The following PNKD variants were observed in gnomAD, a reference collection of about 807,000 sequenced individuals.
The protein encoded by PNKD is probable thioesterase PNKD.
A neutral mutation model predicts 45.3 loss-of-function variants in PNKD; 36 were observed. That is an observed-to-expected ratio of 0.80 (90% confidence interval 0.61 to 1.05). The LOEUF (loss-of-function observed/expected upper bound fraction) is 1.05. Ranked by LOEUF, PNKD falls within the 50% of genes least tolerant of loss-of-function variation. The pLI, the probability that PNKD is intolerant of heterozygous loss-of-function variation, is 0.00. For missense variants in PNKD, 511 were observed against 506.6 expected, an observed-to-expected ratio of 1.01 and a Z score of -0.08; for synonymous variants, 197 against 210.1, an observed-to-expected ratio of 0.94 and a Z score of 0.54.
Position 218,340,744 on chromosome 2 carries a change from A to C in PNKD, c.482A>C (p.Glu161Ala), listed in dbSNP as rs773268460. The stretch of plus-strand genomic sequence containing the variant: ...CTCTCGCAGGCTTCCATTGAAAAGG[A>C]AGGGGTCACCTTGGTCGCCATTCTG... The part of the protein sequence containing the change: ...PRAVQASIEK[E>A]GVTLVAILCT... Residue 161 changes from glutamate to alanine, a missense_variant, in exon 5 of 10, where the codon GAA (glutamate) becomes GCA (alanine). Transcript: ENST00000273077. This position sits in a 1 kb window ranked among gnomAD's most constrained non-coding sequence, Gnocchi z 4.2. 6.2e-7 allele frequency: 1 copy of C among 1,613,914 alleles called. No homozygotes were observed. Among genetic ancestry groups the C allele is most frequent in the East Asian group, 2.2e-5 (1 of 44,864 alleles).
intron 2 of PNKD, among the ~76,000 whole-genome samples, chr2:218,338,852 G>A (rs1048124208): frequency 6.7e-6 from 1 of 149,348 alleles, no homozygotes; most frequent in African/African-American, 2.5e-5. Flanking sequence ...GAGTACAGTG[G>A]TGCAATCATG....
At chr2:218,338,024 C>G (rs1694551286) in intron 2 of PNKD, among the ~76,000 whole-genome samples, 1 of 152,016 alleles carries the variant, frequency 6.6e-6, no homozygotes, top group Non-Finnish European at 1.5e-5. Flanking sequence ...GTGCACGCCT[C>G]TAGTCCCAGC....
chr2:218,273,049 T>C, intron 2 of PNKD: 3 of 848,242 alleles, frequency 3.5e-6, no homozygotes, highest in Non-Finnish European at 5.0e-6. Context: ...CCCAGCTGGA[T>C]GGTGGGGCAA....
chr2:218,305,110 C>G (rs1051450056), intron 2 of PNKD, among the ~76,000 whole-genome samples: 1 of 152,096 alleles, frequency 6.6e-6, no homozygotes, highest in East Asian at 1.9e-4. Context: ...CGACCATCAC[C>G]TTCCTTATAG....
Position 218,340,266 on chromosome 2 carries a change from A to G in PNKD, c.465+125A>G. ...GATGTGTCCCATATGCTCCATGTTCACACGTGCACATGCGCACACATAGCC... is the reference window on the plus strand; with the variant it reads ...GATGTGTCCCATATGCTCCATGTTCGCACGTGCACATGCGCACACATAGCC... On this transcript the variant is annotated intron_variant, in intron 4 of 9. Transcript: ENST00000273077. This position sits in a 1 kb window ranked among gnomAD's most constrained non-coding sequence, Gnocchi z 4.2. 1.4e-6 allele frequency: 1 copy of G among 693,902 alleles called. No individual in the cohort carries two copies. The highest frequency in any genetic ancestry group is 2.6e-6 in the Non-Finnish European group (1 of 382,544). 43.0% of individuals were successfully genotyped at this position (693,902 alleles called of 1,614,324 possible). A position where few individuals can be genotyped will look rare whatever the true frequency, so the allele number is the denominator to read the frequency against.
At chr2:218,272,664 A>C in intron 2 of PNKD, 1 of 1,614,194 alleles carries the variant, frequency 6.2e-7, no homozygotes, top group Non-Finnish European at 8.5e-7. Context: ...TCGGCAGAAC[A>C]TGCGGTTGTC....
intron 2 of PNKD, among the ~76,000 whole-genome samples, chr2:218,321,294 C>T (rs1268993007): frequency 1.3e-5 from 2 of 152,208 alleles, no homozygotes; most frequent in Non-Finnish European, 2.9e-5. Flanking sequence ...GACACAGACA[C>T]GGAGATGCAA....
At chr2:218,280,539 G>A (rs1691801761) in intron 2 of PNKD, 3 of 254,024 alleles carry the variant, frequency 1.2e-5, no homozygotes, top group Non-Finnish European at 2.3e-5. Flanking sequence ...AGCAGGGATA[G>A]AGGTGAAGAC....
intron 2 of PNKD, among the ~76,000 whole-genome samples, chr2:218,294,906 T>C (rs10165153): frequency 0.63 from 95,306 of 152,060 alleles, 30,065 homozygotes; most frequent in African/African-American, 0.69. Flanking sequence ...ATGAATGGAG[T>C]GGGGACAACA....
Position 218,282,028 on chromosome 2 carries a change from G to A in PNKD, c.236+10479G>A, listed in dbSNP as rs148148840. ...AGCCAGGCTGCGGGTAGCCAGGGTA[G>A]GCAGGATACCCTCCTGGCAGGACAG... is the stretch of plus-strand genomic sequence containing the variant. On this transcript the variant is annotated intron_variant, in intron 2 of 9. Transcript: ENST00000273077. 9.3e-4 allele frequency: 1,497 copies of A among 1,608,154 alleles called. 17 individuals are homozygous for A. The East Asian group carries it at 0.021, about 23-fold the overall frequency.
At chr2:218,289,141 A>C (rs1692750200) in intron 2 of PNKD, among the ~76,000 whole-genome samples, 1 of 152,256 alleles carries the variant, frequency 6.6e-6, no homozygotes, top group Non-Finnish European at 1.5e-5. Context: ...GGGCCAAGGC[A>C]GTAAAGATCA....
rs1346597797 is a variant in PNKD at position 218,278,182 on chromosome 2, G to A, written c.236+6633G>A. ...GAGACAGACCTGTGTTGTGGCGCCA[G>A]AAACACCTGGATTGGTTTGCAACTC... On this transcript the variant is annotated intron_variant, in intron 2 of 9. Transcript: ENST00000273077. 4.8e-6 allele frequency: 3 copies of A among 621,814 alleles called. No homozygotes were observed. In the African/African-American group the frequency reaches 5.5e-5, roughly 11 times the overall value. 38.5% of individuals were successfully genotyped at this position (621,814 alleles called of 1,614,324 possible).
chr2:218,275,330 C>A, intron 2 of PNKD: 1 of 1,122,066 alleles, frequency 8.9e-7, no homozygotes, highest in Non-Finnish European at 1.2e-6. Context: ...GCCAGAGAGG[C>A]CACCTGTCTC....
intron 2 of PNKD, among the ~76,000 whole-genome samples, chr2:218,322,982 G>A (rs1312715852): frequency 6.6e-6 from 1 of 152,168 alleles, no homozygotes; most frequent in Non-Finnish European, 1.5e-5. Flanking sequence ...CCAGGGCTCA[G>A]GCGACTGTGG....
chr2:218,311,432 C>T (rs1693613305), intron 2 of PNKD, among the ~76,000 whole-genome samples: 1 of 152,186 alleles, frequency 6.6e-6, no homozygotes, highest in Non-Finnish European at 1.5e-5. Flanking sequence ...GTTTATTTTA[C>T]TATCTTAGCG....
intron 2 of PNKD, among the ~76,000 whole-genome samples, chr2:218,322,271 C>A (rs1236769876): frequency 6.6e-6 from 1 of 152,222 alleles, no homozygotes; most frequent in Non-Finnish European, 1.5e-5. Context: ...TGGGCCAGAG[C>A]TAGGGCTGGA....
chr2:218,277,687 G>A (rs778083787), intron 2 of PNKD: 12 of 1,613,996 alleles, frequency 7.4e-6, no homozygotes, highest in Non-Finnish European at 1.0e-5. Flanking sequence ...GAAGGAGAGA[G>A]ACAAGAATGA....
intron 2 of PNKD, chr2:218,276,895 G>A: frequency 1.2e-6 from 1 of 851,170 alleles, no homozygotes; most frequent in Non-Finnish European, 1.9e-6. Context: ...GAGAGGTTCT[G>A]GAGGTCAGAG....
intron 2 of PNKD, among the ~76,000 whole-genome samples, chr2:218,284,848 T>G (rs1692371771): frequency 6.6e-6 from 1 of 152,166 alleles, no homozygotes; most frequent in Non-Finnish European, 1.5e-5. Context: ...CTCAACACTT[T>G]GAGAGGCCGA....
Sources: gnomAD v4.1 joint callset for allele counts (sites outside exome capture counted in the v4.1 genomes callset) on GRCh38, gnomAD v4.1.1 for gene constraint, Gnocchi (gnomAD v3.1) non-coding constraint, MANE v1.5 for transcripts, NCBI Gene and HGNC (gene_info 2026-07-23, HGNC 2026-07-21) for gene names.